Variants in FRY observed in about 807,000 individuals in gnomAD.
FRY encodes FRY microtubule binding protein, also known as protein furry homolog.
A neutral mutation model predicts 348.4 loss-of-function variants in FRY; 128 were observed. The ratio of observed to expected loss-of-function variants is 0.37; its 90% CI spans 0.32 to 0.43. The LOEUF is 0.43. Among genes scored for constraint, FRY ranks in the 20% least tolerant of loss-of-function variants. The pLI is 1.00. For missense variants in FRY, 2,736 were observed against 3,695.2 expected, an observed-to-expected ratio of 0.74 and a Z score of 6.73; for synonymous variants, 1,370 against 1,374.7, an observed-to-expected ratio of 1.00 and a Z score of 0.08.
At chr13:32,289,331 G>T (rs1889220580) in intron 58 of FRY, among the ~76,000 whole-genome samples, 1 of 152,086 alleles carries the variant, frequency 6.6e-6, no homozygotes, top group Admixed American at 6.5e-5. Context: ...CAACCACTCA[G>T]CTATAATTGG....
intron 16 of FRY, 71 bp downstream of exon 16, chr13:32,157,476 T>C (rs1447567738): frequency 1.3e-5 from 19 of 1,428,502 alleles, no homozygotes; most frequent in Middle Eastern, 1.8e-4. Context: ...TATTCTCATT[T>C]ATTCTGTATT....
intron 51 of FRY, chr13:32,257,986 G>A: frequency 6.2e-7 from 1 of 1,602,952 alleles, no homozygotes; most frequent in Non-Finnish European, 8.5e-7. Context: ...AGATGATGCT[G>A]TTTTTAATTC....
chr13:32,049,726 T>C (rs1258217393), intron 1 of FRY, among the ~76,000 whole-genome samples: 1 of 152,092 alleles, frequency 6.6e-6, no homozygotes, highest in Non-Finnish European at 1.5e-5. Context: ...GGACTCAAAA[T>C]AAAGTAGTAG....
chr13:32,135,308 AAG>A (rs1879640033), intron 10 of FRY, 125 bp downstream of exon 10: 1 of 690,056 alleles, frequency 1.4e-6, no homozygotes. Flanking sequence ...CTCCCTCAAA[AAG>A]AGGCAGCATT....
intron 1 of FRY, among the ~76,000 whole-genome samples, chr13:32,063,525 A>G (rs970109051): frequency 6.6e-6 from 1 of 152,224 alleles, no homozygotes; most frequent in Non-Finnish European, 1.5e-5. Context: ...AGACACAGAC[A>G]GAGTCTGAAA....
At chr13:32,053,790 CCTT>C (rs1474191813) in intron 1 of FRY, among the ~76,000 whole-genome samples, 6 of 152,188 alleles carry the variant, frequency 3.9e-5, no homozygotes, top group Non-Finnish European at 8.8e-5. Flanking sequence ...TAGGTTGTCT[CCTT>C]CTTGGGTAGA....
At chr13:32,287,088 C>T (rs1424663811) in intron 58 of FRY, among the ~76,000 whole-genome samples, 1 of 151,568 alleles carries the variant, frequency 6.6e-6, no homozygotes, top group Non-Finnish European at 1.5e-5. Context: ...TCGCTTGAAC[C>T]CAGGAGGCGG....
At chr13:32,043,868 T>G (rs456705) in intron 1 of FRY, among the ~76,000 whole-genome samples, 89,223 of 151,934 alleles carry the variant, frequency 0.59, 26,956 homozygotes, top group Non-Finnish European at 0.65. Flanking sequence ...TTATAAGAAA[T>G]AATATTTTTA....
rs763116067 is a variant in FRY, at chr13:32,078,867, C to T, written c.104C>T (p.Pro35Leu). Residue 35 changes from proline (P) to leucine (L), a missense_variant, in exon 2 of 61, where the codon CCG (proline) becomes CTG (leucine). Transcript: ENST00000542859. The stretch of plus-strand genomic sequence containing the variant: ...GTTGGCAACGGTTACATCAAGCCTC[C>T]GGTTCCACCTGCTTCTGGCACGCAC... ...SPVGNGYIKP[P>L]VPPASGTHRE... 1.9e-5 allele frequency: 30 copies of T among 1,613,942 alleles called. No individual in the cohort carries two copies. Among genetic ancestry groups the T allele is most frequent in the Non-Finnish European group, 2.2e-5 (26 of 1,179,974 alleles).
At chr13:32,270,975 A>G (rs998867674) in intron 55 of FRY, among the ~76,000 whole-genome samples, 6 of 152,186 alleles carry the variant, frequency 3.9e-5, no homozygotes, top group Admixed American at 3.3e-4. Flanking sequence ...CGGGTTCATT[A>G]CCAAGACCGA....
intron 8 of FRY, among the ~76,000 whole-genome samples, chr13:32,134,112 A>G (rs1879551515): frequency 6.6e-6 from 1 of 152,184 alleles, no homozygotes; most frequent in Non-Finnish European, 1.5e-5. Flanking sequence ...AATACCTGAT[A>G]TAGACCACAA....
At chr13:32,148,940 G>A (rs1880627382) in intron 13 of FRY, among the ~76,000 whole-genome samples, 1 of 151,790 alleles carries the variant, frequency 6.6e-6, no homozygotes, top group South Asian at 2.1e-4. Context: ...TTTTCTGCAT[G>A]TAGTTATCAT....
At chr13:32,126,580 C>T (rs187265929) in intron 7 of FRY, among the ~76,000 whole-genome samples, 113 of 152,294 alleles carry the variant, frequency 7.4e-4, no homozygotes, top group African/African-American at 2.7e-3. Flanking sequence ...CAGTACTTTC[C>T]AGTCTCTAGT....
At chr13:32,264,033 T>C (rs1335478122) in intron 53 of FRY, among the ~76,000 whole-genome samples, 1 of 152,126 alleles carries the variant, frequency 6.6e-6, no homozygotes, top group Non-Finnish European at 1.5e-5. Flanking sequence ...ACCTACGTAA[T>C]AGATCTCATC....
chr13:32,063,756 C>T (rs769360303), intron 1 of FRY, among the ~76,000 whole-genome samples: 2 of 152,240 alleles, frequency 1.3e-5, no homozygotes, highest in Admixed American at 1.3e-4. Flanking sequence ...CCCTTAGTCA[C>T]GTTCTCAGCA....
chr13:32,247,980 G>A lies in FRY; in HGVS notation c.7008+478G>A, dbSNP rs144849108. On this transcript the variant is annotated intron_variant, in intron 48 of 60. Transcript: ENST00000542859. ...CTTGCCTTGAAGCGGGCAGGGGAGA[G>A]AGAGGGAGGAGCAAAAGACTAGGGA... 6.0e-3 allele frequency among the ~76,000 whole-genome samples: 907 copies of A among 152,304 alleles called. 7 individuals are homozygous for A. Among genetic ancestry groups the A allele is most frequent in the Non-Finnish European group, 7.2e-3 (489 of 68,030 alleles).
chr13:32,160,723 G>C (rs1413382933), intron 16 of FRY, among the ~76,000 whole-genome samples: 3 of 150,742 alleles, frequency 2.0e-5, no homozygotes, highest in African/African-American at 7.3e-5. Context: ...TAACTCATCA[G>C]GGAGAGAAGC....
At chr13:32,283,333 G>C (rs1246898910) in intron 58 of FRY, among the ~76,000 whole-genome samples, 1 of 152,158 alleles carries the variant, frequency 6.6e-6, no homozygotes, top group Non-Finnish European at 1.5e-5. Context: ...TGCCCAGTGA[G>C]TTCCTAACAC....
intron 7 of FRY, among the ~76,000 whole-genome samples, chr13:32,125,874 A>T (rs1432448244): frequency 6.6e-6 from 1 of 152,138 alleles, no homozygotes; most frequent in Non-Finnish European, 1.5e-5. Flanking sequence ...CTTCCAGAGG[A>T]TGATAAACTG....
Sources: gnomAD v4.1 joint callset for allele counts (sites outside exome capture counted in the v4.1 genomes callset) on GRCh38, gnomAD v4.1.1 for gene constraint, MANE v1.5 for transcripts, NCBI Gene and HGNC (gene_info 2026-07-23, HGNC 2026-07-21) for gene names.